Variants in PTGR2 observed in about 807,000 individuals in gnomAD.
PTGR2 encodes the protein 15-oxoprostaglandin 13-reductase.
A neutral mutation model predicts 43.4 loss-of-function variants in PTGR2; 32 were observed. The ratio of observed to expected loss-of-function variants is 0.74; its 90% CI spans 0.56 to 0.99. The LOEUF is 0.99. PTGR2 is among the 50% of genes least tolerant of loss of function. The pLI is 0.00. For synonymous variants in PTGR2, 106 were observed against 139.2 expected, an observed-to-expected ratio of 0.76 and a Z score of 1.68; for missense variants, 373 against 420.0, an observed-to-expected ratio of 0.89 and a Z score of 0.98.
chr14:73,883,188 C>CTTTTTTTT (rs58234739), intron 9 of PTGR2, among the ~76,000 whole-genome samples: 888 of 58,118 alleles, frequency 0.015, 81 homozygotes, highest in East Asian at 0.066. Flanking sequence ...CCTCACCTCC[C>CTTTTTTTT]TTTTTTTTTT....
chr14:73,869,196 T>A (rs781483330), intron 3 of PTGR2, among the ~76,000 whole-genome samples: 5 of 152,182 alleles, frequency 3.3e-5, no homozygotes. Context: ...AAAGTAATAA[T>A]TACATTTGTG....
At chr14:73,856,771 A>C (rs1347195741) in intron 1 of PTGR2, among the ~76,000 whole-genome samples, 1 of 152,220 alleles carries the variant, frequency 6.6e-6, no homozygotes, top group Admixed American at 6.5e-5. Flanking sequence ...CACAATGATT[A>C]AATCACCTAA....
intron 3 of PTGR2, among the ~76,000 whole-genome samples, chr14:73,865,177 T>C (rs2054574323): frequency 6.6e-6 from 1 of 152,108 alleles, no homozygotes; most frequent in Admixed American, 6.6e-5. Context: ...CCAGAGAAGC[T>C]GGTAGCATGG....
At position 73,857,417 on chromosome 14, in the gene PTGR2, C is replaced by T. The variant is rs1463828075; in HGVS notation, c.-47-1399C>T. 5.3e-5 allele frequency among the ~76,000 whole-genome samples: 8 copies of T among 151,346 alleles called. 1 individual carries two copies. Among genetic ancestry groups the T allele is most frequent in the Non-Finnish European group, 7.4e-5 (5 of 67,874 alleles). ...CACTTGAGGTCAGGAGTTCAAGACC[C>T]GCCTGGCCAACATGGTGAAACCCTG... On this transcript the variant is annotated intron_variant, in intron 1 of 9. Coordinates refer to ENST00000555661, the MANE Select transcript of PTGR2 (RefSeq NM_001146154.2).
chr14:73,876,995 T>G lies in PTGR2; in HGVS notation c.349-3T>G, dbSNP rs2054880391. 1 of 1,608,586 alleles carries G rather than the reference T, an allele frequency of 6.2e-7. No homozygotes were observed. The highest frequency in any genetic ancestry group is 1.3e-5 in the African/African-American group (1 of 74,756). Reference sequence around the variant, plus strand: ...TTTTTAAAGGGTATATATTTTATTTTAGGTAGACCCACAACTTGTGGATGG... The same window carrying G: ...TTTTTAAAGGGTATATATTTTATTTGAGGTAGACCCACAACTTGTGGATGG... On this transcript the variant is annotated splice_region_variant and splice_polypyrimidine_tract_variant and intron_variant, in intron 4 of 9. Transcript: ENST00000555661.
chr14:73,855,838 ATGAGGTCAGGAGTT>A (rs1245706558), intron 1 of PTGR2, among the ~76,000 whole-genome samples: 4 of 148,974 alleles, frequency 2.7e-5, no homozygotes, highest in African/African-American at 7.3e-5. Context: ...CGGGTGGATC[ATGAGGTCAGGAGTT>A]TGAGAACAGC....
intron 5 of PTGR2, chr14:73,877,423 C>T (rs1408349186): frequency 4.0e-6 from 1 of 249,772 alleles, no homozygotes; most frequent in Non-Finnish European, 7.6e-6. Context: ...TGCCACCACA[C>T]CTGGCTAATT....
In PTGR2 at chr14:73,860,913, A is replaced by G. The variant is rs576238939; in HGVS notation, c.156+256A>G. The stretch of plus-strand genomic sequence containing the variant: ...AATGTTCAGATTACTTCCCAGTAGT[A>G]AATAAAGCTTGAAGATAGTAAAACA... On this transcript the variant is annotated intron_variant, in intron 3 of 9. Coordinates refer to ENST00000555661, the MANE Select transcript of PTGR2 (RefSeq NM_001146154.2). 2.4e-4 allele frequency among the ~76,000 whole-genome samples: 36 copies of G among 152,290 alleles called. 1 individual carries two copies. Among genetic ancestry groups the G allele is most frequent in the African/African-American group, 7.7e-4 (32 of 41,512 alleles).
At chr14:73,867,587 A>T (rs1646681464) in intron 3 of PTGR2, among the ~76,000 whole-genome samples, 1 of 151,982 alleles carries the variant, frequency 6.6e-6, no homozygotes, top group Non-Finnish European at 1.5e-5. Flanking sequence ...CACTTCGAAC[A>T]CTCCCAACTT....
chr14:73,869,436 C>T (rs893480439), intron 3 of PTGR2, among the ~76,000 whole-genome samples: 5 of 151,466 alleles, frequency 3.3e-5, no homozygotes, highest in Non-Finnish European at 7.4e-5. Flanking sequence ...GCGGGAGGAT[C>T]ACTTGAGCCC....
At chr14:73,869,637 G>A (rs564148583) in intron 3 of PTGR2, among the ~76,000 whole-genome samples, 51 of 151,782 alleles carry the variant, frequency 3.4e-4, no homozygotes, top group African/African-American at 1.2e-3. Context: ...CCAGTGACTA[G>A]CATAATGTTT....
At chr14:73,874,468 C>T (rs953867533) in intron 4 of PTGR2, 3 of 518,204 alleles carry the variant, frequency 5.8e-6, no homozygotes, top group Non-Finnish European at 1.1e-5. Context: ...AGGAGAAAAA[C>T]CATTTTAATT....
At chr14:73,853,995 A>T (rs556403557) in intron 1 of PTGR2, among the ~76,000 whole-genome samples, 1 of 152,180 alleles carries the variant, frequency 6.6e-6, no homozygotes, top group South Asian at 2.1e-4. Flanking sequence ...CCTACTTGGG[A>T]TGAATTTAAC....
At chr14:73,862,488 T>G (rs2054515992) in intron 3 of PTGR2, among the ~76,000 whole-genome samples, 1 of 152,164 alleles carries the variant, frequency 6.6e-6, no homozygotes, top group Non-Finnish European at 1.5e-5. Context: ...ATTACAGGCG[T>G]GAGCCACTGC....
intron 3 of PTGR2, among the ~76,000 whole-genome samples, chr14:73,863,679 A>G (rs1273482005): frequency 3.3e-5 from 5 of 151,444 alleles, no homozygotes; most frequent in African/African-American, 7.3e-5. Flanking sequence ...CAGGGGCTCA[A>G]TCTCAGCTCA....
chr14:73,852,530 C>T (rs568531484), intron 1 of PTGR2, among the ~76,000 whole-genome samples: 1 of 152,288 alleles, frequency 6.6e-6, no homozygotes, highest in East Asian at 1.9e-4. Flanking sequence ...GGATTACAGG[C>T]GTGAGCCATC....
intron 1 of PTGR2, among the ~76,000 whole-genome samples, chr14:73,857,299 G>A (rs1353371957): frequency 2.0e-4 from 29 of 146,682 alleles, no homozygotes; most frequent in Non-Finnish European, 4.5e-5. Flanking sequence ...TTTGATGAAC[G>A]AATAGAAGAG....
At chr14:73,857,439 C>G (rs2140232567) in intron 1 of PTGR2, among the ~76,000 whole-genome samples, 1 of 151,474 alleles carries the variant, frequency 6.6e-6, no homozygotes, top group Non-Finnish European at 1.5e-5. Flanking sequence ...ATGGTGAAAC[C>G]CTGTCTCTAC....
At chr14:73,873,758 C>T (rs898222545) in intron 3 of PTGR2, among the ~76,000 whole-genome samples, 1 of 152,118 alleles carries the variant, frequency 6.6e-6, no homozygotes, top group African/African-American at 2.4e-5. Context: ...GCCACCGTTC[C>T]CAGCCAGTGA....
Sources: allele counts gnomAD v4.1 joint callset (sites outside exome capture counted in the v4.1 genomes callset), GRCh38; gene constraint gnomAD v4.1.1; transcripts MANE v1.5; gene names NCBI Gene and HGNC (gene_info 2026-07-23, HGNC 2026-07-21).